CDKAL1: variants seen among roughly 807,000 people sequenced by gnomAD.
CDKAL1 encodes threonylcarbamoyladenosine tRNA methylthiotransferase.
CDKAL1 carries 32 observed loss-of-function variants against 68.2 expected under a neutral mutation model. The observed-to-expected ratio is 0.47, with a 90% CI of 0.35 to 0.63. The LOEUF (loss-of-function observed/expected upper bound fraction) is 0.63. CDKAL1 is among the 30% of genes least tolerant of loss of function. The pLI, the probability that CDKAL1 is intolerant of heterozygous loss-of-function variation, is 0.00. For synonymous variants in CDKAL1, 234 were observed against 244.3 expected, an observed-to-expected ratio of 0.96 and a Z score of 0.39; for missense variants, 606 against 696.7, an observed-to-expected ratio of 0.87 and a Z score of 1.47.
At chr6:20,944,471 C>T (rs142827183) in intron 9 of CDKAL1, among the ~76,000 whole-genome samples, 1 of 152,308 alleles carries the variant, frequency 6.6e-6, no homozygotes, top group African/African-American at 2.4e-5. Flanking sequence ...CTCAGACTCC[C>T]AAGTAGCTGG....
chr6:21,092,969 T>C (rs1397781154), intron 12 of CDKAL1, among the ~76,000 whole-genome samples: 1 of 149,468 alleles, frequency 6.7e-6, no homozygotes, highest in Non-Finnish European at 1.5e-5. Flanking sequence ...AGGAAAAATA[T>C]AGAAAAATCA....
intron 4 of CDKAL1, among the ~76,000 whole-genome samples, chr6:20,594,923 C>T (rs976946526): frequency 3.3e-5 from 5 of 152,152 alleles, no homozygotes; most frequent in Non-Finnish European, 7.3e-5. Flanking sequence ...TTCTCCTTCA[C>T]TTATGAAGCT....
intron 9 of CDKAL1, among the ~76,000 whole-genome samples, chr6:20,921,952 C>A (rs1203025106): frequency 1.3e-5 from 2 of 152,168 alleles, no homozygotes; most frequent in African/African-American, 2.4e-5. Context: ...GCCTGATTTG[C>A]AGTTACTTTA....
chr6:20,890,882 A>G (rs552385415), intron 9 of CDKAL1, among the ~76,000 whole-genome samples: 5 of 152,332 alleles, frequency 3.3e-5, no homozygotes, highest in African/African-American at 1.2e-4. Flanking sequence ...ACGTAAGATA[A>G]TACTATTGAA....
At chr6:21,106,472 A>T (rs775069441) in intron 12 of CDKAL1, among the ~76,000 whole-genome samples, 32 of 152,314 alleles carry the variant, frequency 2.1e-4, no homozygotes, top group Non-Finnish European at 4.0e-4. Flanking sequence ...CCCAGCTAGG[A>T]GGCTGAGGCA....
rs79561813 is a variant in CDKAL1, at chr6:21,098,524, G to T, written c.1237-9877G>T. Among the ~76,000 whole-genome samples, 627 of 145,248 alleles carry T rather than the reference G, an allele frequency of 4.3e-3. 5 individuals are homozygous for T. Among genetic ancestry groups the T allele is most frequent in the African/African-American group, 0.015 (602 of 39,466 alleles). On this transcript the variant is annotated intron_variant, in intron 12 of 15. Coordinates refer to ENST00000274695, the MANE Select transcript of CDKAL1 (RefSeq NM_017774.3). ...AAACTGAAATGTTATGAGGTTAAAC[G>T]GGTACACAGCTTTTTTTTTTTTTTT...
intron 5 of CDKAL1, among the ~76,000 whole-genome samples, chr6:20,672,538 G>A (rs191642716): frequency 0.01 from 1,545 of 151,848 alleles, 12 homozygotes; most frequent in Non-Finnish European, 0.013. Flanking sequence ...TTTTAATAGA[G>A]ACAGGATTTC....
chr6:20,725,804 A>AAAAAAAAAAAAG (rs1554185827), intron 5 of CDKAL1, among the ~76,000 whole-genome samples: 1 of 148,820 alleles, frequency 6.7e-6, no homozygotes, highest in Non-Finnish European at 1.5e-5. Context: ...AAAAAAAAAA[A>AAAAAAAAAAAAG]GAAAAAGTTA....
chr6:21,230,709 A>T (rs1411448418), intron 15 of CDKAL1, 139 bp from the exon 16 acceptor site: 1 of 600,006 alleles, frequency 1.7e-6, no homozygotes, highest in African/African-American at 1.8e-5. Flanking sequence ...CACCTGGCCC[A>T]TGGTGGGTGT....
chr6:20,955,708 C>T (rs1003656872), intron 10 of CDKAL1, 123 bp downstream of exon 10: 5 of 736,000 alleles, frequency 6.8e-6, no homozygotes, highest in African/African-American at 1.8e-5. Context: ...TTTGTAGTCC[C>T]GCATTTCCAA....
chr6:21,078,200 A>G (rs1358143053), intron 12 of CDKAL1, among the ~76,000 whole-genome samples: 8 of 152,296 alleles, frequency 5.3e-5, no homozygotes, highest in South Asian at 2.1e-4. Context: ...AAACTTGTAC[A>G]CTATGGAATA....
chr6:20,640,496 A>G (rs1768121769), intron 4 of CDKAL1, among the ~76,000 whole-genome samples: 2 of 152,188 alleles, frequency 1.3e-5, no homozygotes, highest in African/African-American at 4.8e-5. Flanking sequence ...ATAATCCTGC[A>G]TTCATTATTA....
rs1223022158 is a variant in CDKAL1 at position 21,230,243 on chromosome 6, C to G, written c.1549-605C>G. 3.9e-5 allele frequency among the ~76,000 whole-genome samples: 6 copies of G among 152,212 alleles called. No homozygotes were observed. The South Asian group carries it at 8.3e-4, about 21-fold the overall frequency. On this transcript the variant is annotated intron_variant, in intron 15 of 15. Transcript: ENST00000274695. The stretch of plus-strand genomic sequence containing the variant: ...GCAGCGCAATCTTGGCTCACTGTAG[C>G]CTTCACCTTCCAGGTTCCAGCAATT...
rs570133019 is a variant in CDKAL1, at chr6:20,829,022, T to C, written c.639-17053T>C. Among the ~76,000 whole-genome samples the C allele has an allele frequency of 2.0e-5, 3 of 152,342 alleles. No individual in the cohort carries two copies. In the East Asian group the frequency reaches 5.8e-4, roughly 29 times the overall value. ...ATTGTGTAACATGTCACATTTCATTTTTTAAGGCTGAATAAGATTCCATTG... is the reference window on the plus strand; with the variant it reads ...ATTGTGTAACATGTCACATTTCATTCTTTAAGGCTGAATAAGATTCCATTG... On this transcript the variant is annotated intron_variant, in intron 8 of 15. Transcript: ENST00000274695.
intron 9 of CDKAL1, among the ~76,000 whole-genome samples, chr6:20,863,510 G>A (rs1374430141): frequency 6.6e-6 from 1 of 152,134 alleles, no homozygotes; most frequent in Non-Finnish European, 1.5e-5. Flanking sequence ...ATGATTCTCA[G>A]AACTGTAAAA....
intron 9 of CDKAL1, among the ~76,000 whole-genome samples, chr6:20,943,839 G>C (rs1422274727): frequency 1.3e-5 from 2 of 151,428 alleles, no homozygotes; most frequent in Non-Finnish European, 2.9e-5. Context: ...GTGCATGCCT[G>C]TTGTCCCAGT....
chr6:20,973,724 C>T (rs1765705114), intron 10 of CDKAL1, among the ~76,000 whole-genome samples: 1 of 152,120 alleles, frequency 6.6e-6, no homozygotes, highest in Non-Finnish European at 1.5e-5. Flanking sequence ...CCCACCTCAG[C>T]CTCCCAAGTA....
intron 6 of CDKAL1, among the ~76,000 whole-genome samples, chr6:20,752,237 CA>C (rs994021036): frequency 4.8e-5 from 6 of 124,190 alleles, no homozygotes; most frequent in East Asian, 2.1e-4. Context: ...CAAGTACTTA[CA>C]TTTTTTTTTT....
At chr6:20,754,165 A>G (rs913306519) in intron 6 of CDKAL1, among the ~76,000 whole-genome samples, 20 of 152,104 alleles carry the variant, frequency 1.3e-4, no homozygotes, top group African/African-American at 4.8e-4. Flanking sequence ...AATTTTTTGT[A>G]GAGACAGGAT....
Sources: gnomAD v4.1 joint callset for allele counts (sites outside exome capture counted in the v4.1 genomes callset) on GRCh38, gnomAD v4.1.1 for gene constraint, MANE v1.5 for transcripts, NCBI Gene and HGNC (gene_info 2026-07-23, HGNC 2026-07-21) for gene names.